KCTD13: variants seen among roughly 807,000 people sequenced by gnomAD.
The protein encoded by KCTD13 is potassium channel tetramerization domain containing 13, also known as BTB/POZ domain-containing adapter for CUL3-mediated RhoA degradation protein 1.
In KCTD13, 15 loss-of-function variants were observed where a neutral mutation model predicts 32.3. The observed-to-expected ratio is 0.46, with a 90% CI of 0.31 to 0.71. The LOEUF (loss-of-function observed/expected upper bound fraction) is 0.71. KCTD13 is among the 30% of genes least tolerant of loss of function. The pLI is 0.05. For missense variants in KCTD13, 337 were observed against 452.6 expected (o/e 0.74, Z 2.32); for synonymous variants, 189 against 200.1 (o/e 0.94, Z 0.47).
At chr16:29,908,983 C>T (rs530411599) in intron 5 of KCTD13, among the ~76,000 whole-genome samples, 4 of 152,132 alleles carry the variant, frequency 2.6e-5, no homozygotes, top group African/African-American at 9.6e-5. Context: ...GTGAGCCATG[C>T]ACTCTAATTA....
At chr16:29,911,592 A>G (rs1379891732) in intron 4 of KCTD13, 2 of 598,160 alleles carry the variant, frequency 3.3e-6, no homozygotes, top group East Asian at 5.6e-5. Flanking sequence ...GCTCGCCACT[A>G]TCACTTTGTC....
chr16:29,907,374 T>G (rs1277636590), intron 5 of KCTD13, among the ~76,000 whole-genome samples: 2 of 152,258 alleles, frequency 1.3e-5, no homozygotes, highest in African/African-American at 2.4e-5. Context: ...TGACAAATAC[T>G]GAGTGAGTGC....
intron 4 of KCTD13, 83 bp from the exon 5 acceptor site, chr16:29,911,256 C>T (rs1181682808): frequency 1.6e-5 from 17 of 1,066,252 alleles, no homozygotes; most frequent in Non-Finnish European, 2.1e-5. Context: ...GGATGCATTC[C>T]CAGTCCTCTG....
chr16:29,915,026 A>G (rs1305767211), intron 2 of KCTD13: 1 of 152,052 alleles, frequency 6.6e-6, no homozygotes, highest in Non-Finnish European at 1.5e-5. Flanking sequence ...TAAGTCATAC[A>G]TATAAGTCAC....
At chr16:29,920,926 C>G (rs541741898) in intron 2 of KCTD13, 2 of 152,244 alleles carry the variant, frequency 1.3e-5, no homozygotes, top group East Asian at 3.9e-4. Context: ...CAGAAGGGAG[C>G]ATGTACCAGG....
Position 29,906,460 on chromosome 16 carries a change from AG to A in KCTD13, c.*411del. ...CAGTCTAGTACAAAGTTAAGGAGGT[AG>A]GGAGGATGGTGGGGAGGAGGGGGCG... On this transcript the variant is annotated 3_prime_UTR_variant, in exon 6 of 6. Transcript: ENST00000568000. 1 of 460,564 alleles carries A rather than the reference AG, an allele frequency of 2.2e-6. No homozygotes were observed. The highest frequency in any genetic ancestry group is 1.6e-5 in the South Asian group (1 of 64,472). 28.5% of individuals were successfully genotyped at this position (460,564 alleles called of 1,614,324 possible).
intron 5 of KCTD13, among the ~76,000 whole-genome samples, chr16:29,908,683 C>CTTTT (rs576706189): frequency 2.9e-5 from 4 of 136,196 alleles, no homozygotes; most frequent in African/African-American, 1.1e-4. Context: ...CATGCCCGGC[C>CTTTT]TTTTTTTTTT....
chr16:29,911,921 C>T (rs1372767990), intron 3 of KCTD13, 39 bp downstream of exon 3: 3 of 1,608,244 alleles, frequency 1.9e-6, no homozygotes, highest in African/African-American at 1.3e-5. Context: ...GAGAGGCCCC[C>T]CCAGTGAGCC....
At chr16:29,911,923 C>G in intron 3 of KCTD13, 37 bp downstream of exon 3, 1 of 1,606,516 alleles carries the variant, frequency 6.2e-7, no homozygotes, top group Non-Finnish European at 8.5e-7. Flanking sequence ...GAGGCCCCCC[C>G]AGTGAGCCTC....
At chr16:29,918,699 C>G (rs1466670060) in intron 2 of KCTD13, among the ~76,000 whole-genome samples, 6 of 152,114 alleles carry the variant, frequency 3.9e-5, no homozygotes, top group Admixed American at 3.3e-4. Context: ...CACTGTTGCC[C>G]AGGCTGGAGT....
intron 5 of KCTD13, among the ~76,000 whole-genome samples, chr16:29,908,381 TTTTTA>T (rs1461785560): frequency 6.6e-6 from 1 of 151,992 alleles, no homozygotes; most frequent in African/African-American, 2.4e-5. Context: ...TAATTTTTTA[TTTTTA>T]TTTTTTATTT....
At chr16:29,919,026 T>C (rs532616892) in intron 2 of KCTD13, among the ~76,000 whole-genome samples, 29 of 152,008 alleles carry the variant, frequency 1.9e-4, no homozygotes, top group Non-Finnish European at 1.6e-4. Flanking sequence ...ACTCCTGACC[T>C]CAAGTGATCC....
Position 29,906,668 on chromosome 16 carries a change from G to C in KCTD13, c.*204C>G, listed in dbSNP as rs539090716. On this transcript the variant is annotated 3_prime_UTR_variant, in exon 6 of 6. Coordinates refer to ENST00000568000, the MANE Select transcript of KCTD13 (RefSeq NM_178863.5). ...AAGTGTTGGCTTCGGAAGGCTCTGA[G>C]TGGTGGGGCCGGAATGTACCATGTT... The C allele has an allele frequency of 1.0e-5, 7 of 688,102 alleles. No homozygotes were observed. In the East Asian group the frequency reaches 1.6e-4, roughly 16 times the overall value. The allele number at this position is 688,102 out of a possible 1,614,324, so 42.6% of individuals were successfully genotyped here. A position where few individuals can be genotyped will look rare whatever the true frequency, so the allele number is the denominator to read the frequency against.
chr16:29,909,234 A>G (rs2068664269), intron 5 of KCTD13, among the ~76,000 whole-genome samples: 1 of 152,080 alleles, frequency 6.6e-6, no homozygotes, highest in Non-Finnish European at 1.5e-5. Flanking sequence ...CTATGAAGGG[A>G]GTGTGACCAA....
intron 2 of KCTD13, chr16:29,921,153 G>T (rs1344472610): frequency 6.6e-6 from 1 of 152,136 alleles, no homozygotes; most frequent in Admixed American, 6.6e-5. Context: ...CTGATTCACA[G>T]CTTCAATGCC....
At chr16:29,923,432 A>T (rs1249373963) in intron 1 of KCTD13, 73 bp from the exon 2 acceptor site, 11 of 1,271,524 alleles carry the variant, frequency 8.7e-6, no homozygotes, top group South Asian at 1.4e-5. Flanking sequence ...TTAAAAAAAA[A>T]TTTTTGTAGA....
At position 29,923,745 on chromosome 16, in the gene KCTD13, G is replaced by A. The variant is rs11150575; in HGVS notation, c.245-386C>T. Among the ~76,000 whole-genome samples the A allele has an allele frequency of 3.4e-5, 5 of 148,098 alleles. No individual in the cohort carries two copies. The East Asian group carries it at 5.9e-4, about 18-fold the overall frequency. On this transcript the variant is annotated intron_variant, in intron 1 of 5. Coordinates refer to ENST00000568000, the MANE Select transcript of KCTD13 (RefSeq NM_178863.5). ...GCTTGGTGGCTGGTGCCAGCTACTC[G>A]GGGGGGGGCGAGGCAGGAGAATCGC... is the stretch of plus-strand genomic sequence containing the variant.
At chr16:29,911,257 C>A in intron 4 of KCTD13, 84 bp from the exon 5 acceptor site, 1 of 1,043,094 alleles carries the variant, frequency 9.6e-7, no homozygotes, top group East Asian at 2.5e-5. Flanking sequence ...GATGCATTCC[C>A]AGTCCTCTGC....
At chr16:29,920,431 G>GTT (rs912205574) in intron 2 of KCTD13, 2 of 152,192 alleles carry the variant, frequency 1.3e-5, no homozygotes, top group African/African-American at 4.8e-5. Flanking sequence ...AGGCTTAGAG[G>GTT]TTAATTTGTT....
Sources: gnomAD v4.1 joint callset for allele counts (sites outside exome capture counted in the v4.1 genomes callset) on GRCh38, gnomAD v4.1.1 for gene constraint, MANE v1.5 for transcripts, NCBI Gene and HGNC (gene_info 2026-07-23, HGNC 2026-07-21) for gene names.